SH3RF3: variants seen among roughly 807,000 people sequenced by gnomAD.
The protein encoded by SH3RF3 is E3 ubiquitin-protein ligase SH3RF3.
A neutral mutation model predicts 66.3 loss-of-function variants in SH3RF3; 29 were observed. The ratio of observed to expected loss-of-function variants is 0.44; its 90% CI spans 0.33 to 0.60. SH3RF3 has a LOEUF of 0.60. SH3RF3 is among the 20% of genes least tolerant of loss of function. The pLI is 0.04. For synonymous variants in SH3RF3, 583 were observed against 532.0 expected (o/e 1.10, Z -1.32); for missense variants, 1,194 against 1,190.9 (o/e 1.00, Z -0.04).
intron 1 of SH3RF3, among the ~76,000 whole-genome samples, chr2:109,131,618 A>G (rs1367543264): frequency 6.6e-6 from 1 of 152,034 alleles, no homozygotes; most frequent in African/African-American, 2.4e-5. Context: ...TTAGGAGGTA[A>G]CCTCTGACAT....
chr2:109,489,602 G>A (rs1026974603), intron 8 of SH3RF3, among the ~76,000 whole-genome samples: 3 of 152,246 alleles, frequency 2.0e-5, no homozygotes, highest in African/African-American at 7.2e-5. Flanking sequence ...CTGTGTTGTC[G>A]GGGATGGCCC....
At chr2:109,188,962 G>A (rs1209046140) in intron 1 of SH3RF3, among the ~76,000 whole-genome samples, 2 of 151,796 alleles carry the variant, frequency 1.3e-5, no homozygotes, top group Non-Finnish European at 2.9e-5. Context: ...TGTTTGTGAA[G>A]TACTCTTTTC....
rs112083966 is a variant in SH3RF3, at chr2:109,383,576, C to T, written c.945+11895C>T. ...TGCGGGCTGAGGCACGTTTAAGATTCGGGTCCGGGAAATGCCCAAACCGTG... is the reference window on the plus strand; with the variant it reads ...TGCGGGCTGAGGCACGTTTAAGATTTGGGTCCGGGAAATGCCCAAACCGTG... On this transcript the variant is annotated intron_variant, in intron 3 of 9. Coordinates refer to ENST00000309415, the MANE Select transcript of SH3RF3 (RefSeq NM_001099289.3). Among the ~76,000 whole-genome samples the T allele has an allele frequency of 9.9e-3, 1,512 of 152,246 alleles. 27 individuals carry two copies. The highest frequency in any genetic ancestry group is 0.034 in the African/African-American group (1,398 of 41,544).
chr2:109,418,854 C>T (rs1676795113), intron 4 of SH3RF3, among the ~76,000 whole-genome samples: 1 of 152,136 alleles, frequency 6.6e-6, no homozygotes, highest in Non-Finnish European at 1.5e-5. Flanking sequence ...GGCAGTGCTG[C>T]CCTGCATGGG....
intron 1 of SH3RF3, among the ~76,000 whole-genome samples, chr2:109,326,734 T>C (rs958251666): frequency 8.5e-5 from 13 of 152,232 alleles, no homozygotes; most frequent in Non-Finnish European, 1.9e-4. Flanking sequence ...TTACCTGGTG[T>C]TTACTGCCAC....
chr2:109,207,597 A>G (rs985152879), intron 1 of SH3RF3, among the ~76,000 whole-genome samples: 1 of 152,204 alleles, frequency 6.6e-6, no homozygotes, highest in African/African-American at 2.4e-5. Flanking sequence ...AATTGTGGAA[A>G]ATAAAGATGC....
At chr2:109,153,945 A>C (rs1558929421) in intron 1 of SH3RF3, among the ~76,000 whole-genome samples, 1 of 152,214 alleles carries the variant, frequency 6.6e-6, no homozygotes. Flanking sequence ...AAAATTATTA[A>C]GAATTTCATT....
At chr2:109,271,765 G>A (rs1247863748) in intron 1 of SH3RF3, among the ~76,000 whole-genome samples, 1 of 152,250 alleles carries the variant, frequency 6.6e-6, no homozygotes, top group Non-Finnish European at 1.5e-5. Flanking sequence ...TTGGACTTTT[G>A]TGGTATCAGT....
rs1573261159 is a variant in SH3RF3 at position 109,449,619 on chromosome 2, G to A, written c.2148+130G>A. 4.9e-6 allele frequency: 6 copies of A among 1,213,450 alleles called. No individual in the cohort carries two copies. In the East Asian group the frequency reaches 1.3e-4, roughly 27 times the overall value. The allele number at this position is 1,213,450 out of a possible 1,614,324, so 75.2% of individuals were successfully genotyped here. A position where few individuals can be genotyped will look rare whatever the true frequency, so the allele number is the denominator to read the frequency against. ...GGGCTCCAAGTGCCTGCCCCTAGAT[G>A]AACCAGGCGTGTGACAGAGAGGGAG... On this transcript the variant is annotated intron_variant, in intron 8 of 9. Coordinates refer to ENST00000309415, the MANE Select transcript of SH3RF3 (RefSeq NM_001099289.3).
rs1680089544 is a variant in SH3RF3 at position 109,251,434 on chromosome 2, C to T, written c.574-96240C>T. ...TGGAGTAGACACCATGAGCAAAGCT[C>T]ACCCTCCCGAGTTGAAAAAATCTAT... On this transcript the variant is annotated intron_variant, in intron 1 of 9. Transcript: ENST00000309415. The T allele has an allele frequency of 7.0e-6, 5 of 713,514 alleles. No homozygotes were observed. In the Middle Eastern group the frequency reaches 1.2e-3, roughly 173 times the overall value. 44.2% of individuals were successfully genotyped at this position (713,514 alleles called of 1,614,324 possible). A position where few individuals can be genotyped will look rare whatever the true frequency, so the allele number is the denominator to read the frequency against.
chr2:109,254,864 C>T (rs537448520), intron 1 of SH3RF3, among the ~76,000 whole-genome samples: 7 of 152,248 alleles, frequency 4.6e-5, no homozygotes, highest in South Asian at 2.1e-4. Context: ...TGTGGATGTC[C>T]GAATTCTCAC....
At chr2:109,371,525 C>A in intron 2 of SH3RF3, 61 bp from the exon 3 acceptor site, 1 of 1,456,418 alleles carries the variant, frequency 6.9e-7, no homozygotes, top group Non-Finnish European at 9.6e-7. Context: ...CAGTGTCTTG[C>A]TTCCTTTTTC....
intron 9 of SH3RF3, among the ~76,000 whole-genome samples, chr2:109,497,545 G>T (rs574167679): frequency 6.6e-6 from 1 of 152,352 alleles, no homozygotes; most frequent in South Asian, 2.1e-4. Context: ...GGGCAGAGTT[G>T]CTTGCTGATT....
chr2:109,347,555 C>G (rs1682738521), intron 1 of SH3RF3, 119 bp from the exon 2 acceptor site: 7 of 1,369,764 alleles, frequency 5.1e-6, no homozygotes, highest in South Asian at 1.5e-5. Flanking sequence ...GCGGGGCACT[C>G]TGTATGCACC....
chr2:109,331,752 G>A (rs1167237206), intron 1 of SH3RF3, among the ~76,000 whole-genome samples: 1 of 152,164 alleles, frequency 6.6e-6, no homozygotes, highest in South Asian at 2.1e-4. Context: ...ATATTAGGTG[G>A]CCAATAAGTA....
At chr2:109,381,012 G>A (rs1482635227) in intron 3 of SH3RF3, among the ~76,000 whole-genome samples, 2 of 152,242 alleles carry the variant, frequency 1.3e-5, no homozygotes, top group African/African-American at 4.8e-5. Flanking sequence ...GACTACCTGT[G>A]TTGGCTTTAA....
intron 1 of SH3RF3, among the ~76,000 whole-genome samples, chr2:109,201,700 G>A (rs1313139960): frequency 1.3e-5 from 2 of 152,216 alleles, no homozygotes; most frequent in South Asian, 2.1e-4. Context: ...CATGGGAAAC[G>A]CTGCGCCTTG....
intron 4 of SH3RF3, among the ~76,000 whole-genome samples, chr2:109,400,531 AT>A (rs2104447383): frequency 6.6e-6 from 1 of 152,014 alleles, no homozygotes; most frequent in South Asian, 2.1e-4. Flanking sequence ...ACACCTGCAG[AT>A]ACACATGCAC....
At chr2:109,229,360 G>C (rs935365231) in intron 1 of SH3RF3, among the ~76,000 whole-genome samples, 1 of 152,152 alleles carries the variant, frequency 6.6e-6, no homozygotes, top group Admixed American at 6.6e-5. Flanking sequence ...TAACATGATA[G>C]TTCTCCATTT....
Sources: gnomAD v4.1 joint callset for allele counts (sites outside exome capture counted in the v4.1 genomes callset) on GRCh38, gnomAD v4.1.1 for gene constraint, MANE v1.5 for transcripts, NCBI Gene and HGNC (gene_info 2026-07-23, HGNC 2026-07-21) for gene names.